Variants in RASAL2 observed in about 807,000 individuals in gnomAD.
RASAL2 encodes RAS protein activator like 2.
A neutral mutation model predicts 128.9 loss-of-function variants in RASAL2; 58 were observed. The ratio of observed to expected loss-of-function variants is 0.45; its 90% CI spans 0.36 to 0.56. RASAL2 has a LOEUF of 0.56. Ranked by LOEUF, RASAL2 falls within the 20% of genes least tolerant of loss-of-function variation. The pLI is 0.00. For synonymous variants in RASAL2, 561 were observed against 580.8 expected (o/e 0.97, Z 0.49); for missense variants, 1,360 against 1,601.6 (o/e 0.85, Z 2.57).
At chr1:178,329,090 G>A (rs868658939) in intron 3 of RASAL2, among the ~76,000 whole-genome samples, 5 of 152,128 alleles carry the variant, frequency 3.3e-5, no homozygotes, top group East Asian at 1.9e-4. Flanking sequence ...AAAAATAGCC[G>A]GCAGTACAGT....
rs150689383 is a variant in RASAL2 at position 178,159,698 on chromosome 1, G to A, written c.202+65004G>A. On this transcript the variant is annotated intron_variant, in intron 1 of 17. Coordinates refer to ENST00000367649, the MANE Select transcript of RASAL2 (RefSeq NM_170692.4). ...AATCCCAGCACTTCGGGAGGCCAAG[G>A]TAGGTGGATCACCTGAGGTTGGAAG... 8.5e-5 allele frequency among the ~76,000 whole-genome samples: 13 copies of A among 152,220 alleles called. No homozygotes were observed. The East Asian group carries it at 2.3e-3, about 27-fold the overall frequency.
chr1:178,094,450 G>T lies in RASAL2; in HGVS notation c.-43G>T. ...AGGGCGCGGAGCCGCGCGCCAGCCCGCCCCGAAGCCGCCGCCTCGTCCCCC... is the reference window on the plus strand; with the variant it reads ...AGGGCGCGGAGCCGCGCGCCAGCCCTCCCCGAAGCCGCCGCCTCGTCCCCC... On this transcript the variant is annotated 5_prime_UTR_variant, in exon 1 of 18. Coordinates refer to ENST00000367649, the MANE Select transcript of RASAL2 (RefSeq NM_170692.4). 2 of 1,493,126 alleles carry T rather than the reference G, an allele frequency of 1.3e-6. No individual in the cohort carries two copies. Among genetic ancestry groups the T allele is most frequent in the Non-Finnish European group, 1.8e-6 (2 of 1,121,936 alleles). The allele number at this position is 1,493,126 out of a possible 1,614,324, so 92.5% of individuals were successfully genotyped here.
At chr1:178,210,009 C>G (rs1026565978) in intron 1 of RASAL2, among the ~76,000 whole-genome samples, 2 of 151,874 alleles carry the variant, frequency 1.3e-5, no homozygotes, top group African/African-American at 4.8e-5. Flanking sequence ...CATTCTTTCT[C>G]TCCTTTTCTT....
chr1:178,309,790 T>C (rs2102298402), intron 3 of RASAL2, among the ~76,000 whole-genome samples: 1 of 152,302 alleles, frequency 6.6e-6, no homozygotes, highest in African/African-American at 2.4e-5. Context: ...ATATAGCACT[T>C]TACCTTGAAA....
chr1:178,444,181 C>T (rs1676845708), intron 8 of RASAL2, among the ~76,000 whole-genome samples: 1 of 152,036 alleles, frequency 6.6e-6, no homozygotes, highest in Non-Finnish European at 1.5e-5. Flanking sequence ...TTCAGTTGCT[C>T]AAGGTTCAGA....
chr1:178,320,798 C>T (rs773123460), intron 3 of RASAL2, among the ~76,000 whole-genome samples: 5 of 152,196 alleles, frequency 3.3e-5, no homozygotes, highest in Admixed American at 6.5e-5. Flanking sequence ...TGTTCCTATT[C>T]GGCCATCTTG....
At chr1:178,210,803 T>C (rs1352258907) in intron 1 of RASAL2, among the ~76,000 whole-genome samples, 1 of 152,216 alleles carries the variant, frequency 6.6e-6, no homozygotes, top group Admixed American at 6.5e-5. Context: ...ATAATGCATT[T>C]CTCTTAATAA....
chr1:178,116,235 G>A (rs570219435), intron 1 of RASAL2, among the ~76,000 whole-genome samples: 79 of 152,062 alleles, frequency 5.2e-4, no homozygotes, highest in African/African-American at 1.8e-3. Context: ...TATCTAACTT[G>A]TCGTATTCTT....
chr1:178,155,754 C>G (rs1661065339), intron 1 of RASAL2, among the ~76,000 whole-genome samples: 1 of 151,878 alleles, frequency 6.6e-6, no homozygotes, highest in South Asian at 2.1e-4. Context: ...TGACTGTCAG[C>G]TGACTGGGTG....
chr1:178,246,931 T>G (rs1165023993), intron 1 of RASAL2, among the ~76,000 whole-genome samples: 3 of 152,218 alleles, frequency 2.0e-5, no homozygotes, highest in African/African-American at 7.2e-5. Context: ...TTGATTGTGG[T>G]GGATAAGCTT....
chr1:178,146,622 G>C lies in RASAL2; in HGVS notation c.202+51928G>C, dbSNP rs74128864. 5.5e-3 allele frequency among the ~76,000 whole-genome samples: 845 copies of C among 152,262 alleles called. 11 individuals carry two copies. Among genetic ancestry groups the C allele is most frequent in the African/African-American group, 0.019 (792 of 41,548 alleles). Reference sequence around the variant, plus strand: ...AGGTGATTGAGCAGGAAATGTTTATGCAGCTTTTATAATGGTGACTTCTTG... The same window carrying C: ...AGGTGATTGAGCAGGAAATGTTTATCCAGCTTTTATAATGGTGACTTCTTG... On this transcript the variant is annotated intron_variant, in intron 1 of 17. Transcript: ENST00000367649.
intron 3 of RASAL2, among the ~76,000 whole-genome samples, chr1:178,375,400 A>G (rs1386143077): frequency 6.6e-6 from 1 of 152,196 alleles, no homozygotes; most frequent in Non-Finnish European, 1.5e-5. Flanking sequence ...GATATGATCA[A>G]AATAGTTTTT....
chr1:178,376,989 G>A (rs1018436857), intron 3 of RASAL2, among the ~76,000 whole-genome samples: 2 of 151,918 alleles, frequency 1.3e-5, no homozygotes, highest in African/African-American at 2.4e-5. Flanking sequence ...TAATGATTGC[G>A]TTTTCCAAAT....
rs768904167 is a variant in RASAL2 at position 178,452,570 on chromosome 1, A to G, written c.1927A>G (p.Met643Val). 1 of 1,614,048 alleles carries G rather than the reference A, an allele frequency of 6.2e-7. No individual in the cohort carries two copies. Among genetic ancestry groups the G allele is most frequent in the Non-Finnish European group, 8.5e-7 (1 of 1,179,942 alleles). The change falls in exon 11 of 18, where the codon ATG (methionine) becomes GTG (valine). Residue 643 changes from methionine (M) to valine (V), a missense_variant. Physicochemically the swap from Met to Val is conservative, Grantham distance 21 (BLOSUM62 1). This residue lies in a region of RASAL2 where 741 missense variants were observed against 868.6 expected (regional missense o/e 0.85). Transcript: ENST00000367649. ...AIMSPSLFNL[M>V]QEYPDDRTSR... ...TATGTCTCCCAGTCTTTTCAACCTT[A>G]TGCAGGAGTATCCTGATGACCGCAC... is the stretch of plus-strand genomic sequence containing the variant.
intron 1 of RASAL2, among the ~76,000 whole-genome samples, chr1:178,165,477 C>A (rs1404246441): frequency 6.6e-6 from 1 of 152,092 alleles, no homozygotes; most frequent in Non-Finnish European, 1.5e-5. Context: ...GGTTATACAG[C>A]AAATTCTATG....
intron 1 of RASAL2, among the ~76,000 whole-genome samples, chr1:178,113,564 G>GTGTA (rs1659419364): frequency 7.6e-6 from 1 of 131,310 alleles, no homozygotes; most frequent in Non-Finnish European, 1.6e-5. Flanking sequence ...GTGTGTGTGT[G>GTGTA]TAGAGGCAGA....
chr1:178,190,235 GCTGA>G (rs1558104960), intron 1 of RASAL2, among the ~76,000 whole-genome samples: 1 of 152,086 alleles, frequency 6.6e-6, no homozygotes, highest in Non-Finnish European at 1.5e-5. Flanking sequence ...CTTGCTGTTG[GCTGA>G]CTACTTGGTT....
chr1:178,141,073 G>A (rs1267533078), intron 1 of RASAL2, among the ~76,000 whole-genome samples: 2 of 152,052 alleles, frequency 1.3e-5, no homozygotes, highest in Non-Finnish European at 2.9e-5. Context: ...AACTCAGAGC[G>A]AGAGCTCACT....
At chr1:178,397,898 G>T (rs890311565) in intron 4 of RASAL2, among the ~76,000 whole-genome samples, 1 of 151,972 alleles carries the variant, frequency 6.6e-6, no homozygotes, top group Non-Finnish European at 1.5e-5. Flanking sequence ...TTACAGGCAT[G>T]AGTCACCATG....
Sources: allele counts gnomAD v4.1 joint callset (sites outside exome capture counted in the v4.1 genomes callset), GRCh38; gene constraint gnomAD v4.1.1; regional missense constraint gnomAD v4.1.1; transcripts MANE v1.5; gene names NCBI Gene and HGNC (gene_info 2026-07-23, HGNC 2026-07-21).